KLHL40: variants seen among roughly 807,000 people sequenced by gnomAD.
KLHL40 encodes the protein kelch-like protein 40.
In KLHL40, 44 loss-of-function variants were observed where a neutral mutation model predicts 49.7. The ratio of observed to expected loss-of-function variants is 0.89; its 90% confidence interval spans 0.70 to 1.14. KLHL40 has a LOEUF of 1.14. KLHL40 is among the 50% of genes most tolerant of loss of function. KLHL40 has a pLI of 0.00. For missense variants in KLHL40, 892 were observed against 850.3 expected (o/e 1.05, Z -0.61); for synonymous variants, 409 against 365.2 (o/e 1.12, Z -1.37).
chr3:42,690,781 C>T, intron 4 of KLHL40, 78 bp from the exon 5 acceptor site: 1 of 1,467,502 alleles, frequency 6.8e-7, no homozygotes, highest in Non-Finnish European at 9.2e-7. Flanking sequence ...GCAGTTGGAG[C>T]TGTGGGTGCT....
chr3:42,691,793 T>G (rs911481788), intron 5 of KLHL40, 89 bp from the exon 6 acceptor site: 1 of 808,570 alleles, frequency 1.2e-6, no homozygotes. Flanking sequence ...ATGGGCCAAG[T>G]GCCCTCAGCC....
chr3:42,691,884 A>G lies in KLHL40; in HGVS notation c.1757A>G (p.Tyr586Cys), dbSNP rs1177124063. The change falls in exon 6 of 6, where the codon TAT (tyrosine) becomes TGT (cysteine). Residue 586 changes from tyrosine (Y) to cysteine (C), a missense_variant and splice_region_variant. Physicochemically the swap from Tyr to Cys is radical, Grantham distance 194. Coordinates refer to ENST00000287777, the MANE Select transcript of KLHL40 (RefSeq NM_152393.4). ...VPTELNDIWR[Y>C]NEEEKKWEGV... ...TCCCCACTCTCTCTCATCCCCAGGTATAACGAGGAGGAGAAGAAATGGGAG... is the reference window on the plus strand; with the variant it reads ...TCCCCACTCTCTCTCATCCCCAGGTGTAACGAGGAGGAGAAGAAATGGGAG... The G allele has an allele frequency of 1.2e-5, 19 of 1,595,806 alleles. No individual in the cohort carries two copies. The highest frequency in any genetic ancestry group is 1.4e-5 in the Non-Finnish European group (16 of 1,163,660).
intron 1 of KLHL40, among the ~76,000 whole-genome samples, chr3:42,687,104 T>A (rs1247144768): frequency 6.6e-6 from 1 of 152,202 alleles, no homozygotes; most frequent in Non-Finnish European, 1.5e-5. Context: ...GCAGGGCCTC[T>A]GCGTGAAGGC....
Position 42,692,204 on chromosome 3 carries a change from G to T in KLHL40, c.*211G>T. On this transcript the variant is annotated 3_prime_UTR_variant, in exon 6 of 6. Coordinates refer to ENST00000287777, the MANE Select transcript of KLHL40 (RefSeq NM_152393.4). ...GTGAGAAACTAGAGGCTTCTCCAGTGTTGCCATATCCCCCTAGGTTGTCTT... is the reference window on the plus strand; with the variant it reads ...GTGAGAAACTAGAGGCTTCTCCAGTTTTGCCATATCCCCCTAGGTTGTCTT... The T allele has an allele frequency of 1.8e-6, 1 of 559,082 alleles. No individual in the cohort carries two copies. The allele number at this position is 559,082 out of a possible 1,614,324, so 34.6% of individuals were successfully genotyped here. A position where few individuals can be genotyped will look rare whatever the true frequency, so the allele number is the denominator to read the frequency against.
Position 42,692,374 on chromosome 3 carries a change from A to T in KLHL40, c.*381A>T. On this transcript the variant is annotated 3_prime_UTR_variant, in exon 6 of 6. Coordinates refer to ENST00000287777, the MANE Select transcript of KLHL40 (RefSeq NM_152393.4). Reference sequence around the variant, plus strand: ...AGCATCCCCATCAAGTGCAGTGTACAGTGCAGATATGTCTCCTTCTTTAGG... The same window carrying T: ...AGCATCCCCATCAAGTGCAGTGTACTGTGCAGATATGTCTCCTTCTTTAGG... The T allele has an allele frequency of 2.5e-6, 1 of 402,012 alleles. No individual in the cohort carries two copies. Among genetic ancestry groups the T allele is most frequent in the Non-Finnish European group, 4.6e-6 (1 of 218,262 alleles). 24.9% of individuals were successfully genotyped at this position (402,012 alleles called of 1,614,324 possible).
At position 42,686,657 on chromosome 3, in the gene KLHL40, G is replaced by A. The variant is rs1325916180; in HGVS notation, c.1039G>A (p.Val347Ile). The change falls in exon 1 of 6, where the codon GTC becomes ATC. Residue 347 changes from valine (V) to isoleucine (I), a missense_variant. Transcript: ENST00000287777. The stretch of plus-strand genomic sequence containing the variant: ...CTACTGTGCTTCCCTCTCCAACCAG[G>A]TCCCCAAGAACCACGTCAGCCTGGT... ...ECYCASLSNQ[V>I]PKNHVSLVTK... The A allele has an allele frequency of 6.2e-7, 1 of 1,613,912 alleles. No individual in the cohort carries two copies. Among genetic ancestry groups the A allele is most frequent in the Admixed American group, 1.7e-5 (1 of 60,020 alleles).
In KLHL40 at chr3:42,688,175, C is replaced by A; in HGVS notation, c.1186C>A (p.Pro396Thr). The A allele has an allele frequency of 4.3e-6, 7 of 1,613,664 alleles. No homozygotes were observed. Among genetic ancestry groups the A allele is most frequent in the Non-Finnish European group, 5.9e-6 (7 of 1,179,990 alleles). ...DHLDSEWLGM[P>T]PLPSPRCLFG... is the part of the protein sequence containing the mutation. ...TCTGGACTCAGAGTGGCTGGGGATG[C>A]CACCGCTGCCCTCGCCCCGCTGCCT... Residue 396 changes from proline to threonine, a missense_variant, in exon 2 of 6, where the codon CCA becomes ACA. By Grantham distance (38) the Pro-to-Thr change is conservative. Coordinates refer to ENST00000287777, the MANE Select transcript of KLHL40 (RefSeq NM_152393.4). This position sits in a 1 kb window ranked among gnomAD's most constrained non-coding sequence, Gnocchi z 4.2.
At position 42,691,531 on chromosome 3, in the gene KLHL40, G is replaced by A. The variant is rs186947018; in HGVS notation, c.1755-351G>A. Among the ~76,000 whole-genome samples the A allele has an allele frequency of 2.3e-4, 35 of 152,270 alleles. No individual in the cohort carries two copies. The East Asian group carries it at 6.4e-3, about 28-fold the overall frequency. The stretch of plus-strand genomic sequence containing the variant: ...GCCCCTGGGGAGCAGTGCTGCCGGA[G>A]GCTGAGACGTGAGACTTAGTAGAAA... On this transcript the variant is annotated intron_variant, in intron 5 of 5. Transcript: ENST00000287777.
At position 42,690,955 on chromosome 3, in the gene KLHL40, G is replaced by A. The variant is rs1697354849; in HGVS notation, c.1704G>A (p.Leu568=). ...ATGCCATTGGTGGCTTTGCCACACT[G>A]GAGACGGAGTCTGGAGAGCTGGTTC... ...TLYAIGGFAT[L]ETESGELVPT... Residue 568 remains leucine (L), a synonymous_variant, in exon 5 of 6, where the codon CTG becomes CTA. Coordinates refer to ENST00000287777, the MANE Select transcript of KLHL40 (RefSeq NM_152393.4). 5.6e-6 allele frequency: 9 copies of A among 1,613,718 alleles called. 1 individual carries two copies. Among genetic ancestry groups the A allele is most frequent in the Non-Finnish European group, 6.8e-6 (8 of 1,179,738 alleles).
In KLHL40 at chr3:42,692,268, G is replaced by A. The variant is rs1173301529; in HGVS notation, c.*275G>A. On this transcript the variant is annotated 3_prime_UTR_variant, in exon 6 of 6. Transcript: ENST00000287777. ...GAACCACAGGGCGGTATCCCAGGCC[G>A]TGTGCTGGCCCTGCCCCAGCCTAGC... The A allele has an allele frequency of 7.3e-5, 36 of 490,670 alleles. No homozygotes were observed. Among genetic ancestry groups the A allele is most frequent in the South Asian group, 1.9e-4 (7 of 36,120 alleles). The allele number at this position is 490,670 out of a possible 1,614,324, so 30.4% of individuals were successfully genotyped here.
At chr3:42,689,189 C>T in intron 4 of KLHL40, 135 bp downstream of exon 4, 2 of 784,418 alleles carry the variant, frequency 2.5e-6, no homozygotes, top group Admixed American at 2.8e-5. Flanking sequence ...GGCTTTCTCT[C>T]CTGATCAGCA....
intron 5 of KLHL40, among the ~76,000 whole-genome samples, chr3:42,691,653 C>G (rs1381175152): frequency 2.6e-5 from 4 of 151,954 alleles, no homozygotes; most frequent in Non-Finnish European, 5.9e-5. Flanking sequence ...GGGAACACCC[C>G]TTGAGAGGTG....
chr3:42,686,416 C>G lies in KLHL40; in HGVS notation c.798C>G (p.Thr266=). ...AGGATGCACACGAGGGCCGCATCACCACGCTGCGGAAGAAAAAGAAGGGGA... is the reference window on the plus strand; with the variant it reads ...AGGATGCACACGAGGGCCGCATCACGACGCTGCGGAAGAAAAAGAAGGGGA... ...MVKDAHEGRI[T]TLRKKKKGKD... is the part of the protein sequence containing the mutation. The change falls in exon 1 of 6, where the codon ACC becomes ACG. Residue 266 remains threonine (T), a synonymous_variant. Coordinates refer to ENST00000287777, the MANE Select transcript of KLHL40 (RefSeq NM_152393.4). 1 of 1,613,740 alleles carries G rather than the reference C, an allele frequency of 6.2e-7. No homozygotes were observed. Among genetic ancestry groups the G allele is most frequent in the Non-Finnish European group, 8.5e-7 (1 of 1,179,998 alleles).
chr3:42,687,357 G>C (rs1322843323), intron 1 of KLHL40, among the ~76,000 whole-genome samples: 4 of 152,276 alleles, frequency 2.6e-5, no homozygotes, highest in Admixed American at 1.3e-4. Flanking sequence ...CAGTGTTTCC[G>C]GCCAAGGAAC....
chr3:42,688,995 T>C lies in KLHL40; in HGVS notation c.1548T>C (p.Ala516=). The C allele has an allele frequency of 6.2e-7, 1 of 1,614,150 alleles. No homozygotes were observed. The highest frequency in any genetic ancestry group is 8.5e-7 in the Non-Finnish European group (1 of 1,180,038). ...ATGATGGCCGCATTATCGTGGCAGC[T>C]GGGGTCACCGACACAGGGCTGACCA... ...TVHDGRIIVA[A]GVTDTGLTSS... is the part of the protein sequence containing the mutation. Residue 516 remains alanine, a synonymous_variant, in exon 4 of 6, where the codon GCT becomes GCC. Coordinates refer to ENST00000287777, the MANE Select transcript of KLHL40 (RefSeq NM_152393.4). The surrounding 1 kb of genome is among the most constrained non-coding windows in gnomAD (Gnocchi z 4.2).
Position 42,686,000 on chromosome 3 carries a change from C to T in KLHL40, c.382C>T (p.Leu128=). 6.2e-7 allele frequency: 1 copy of T among 1,611,396 alleles called. No homozygotes were observed. Among genetic ancestry groups the T allele is most frequent in the Non-Finnish European group, 8.5e-7 (1 of 1,179,984 alleles). Residue 128 remains leucine (L), a synonymous_variant, in exon 1 of 6, where the codon CTG becomes TTG. Coordinates refer to ENST00000287777, the MANE Select transcript of KLHL40 (RefSeq NM_152393.4). ...CTGCGTGTCCTTCCTGCAGAAGCGC[C>T]TGTGCCTCTCCAACTGCTTGGCCGT... ...TICVSFLQKR[L]CLSNCLAVFR...
At chr3:42,689,084 C>A (rs1697322967) in intron 4 of KLHL40, 30 bp downstream of exon 4, 1 of 1,583,006 alleles carries the variant, frequency 6.3e-7, no homozygotes, top group Non-Finnish European at 8.6e-7. Flanking sequence ...CCGCCAAGGA[C>A]AACTGCATGG....
chr3:42,689,981 G>C (rs1697335430), intron 4 of KLHL40, among the ~76,000 whole-genome samples: 1 of 152,162 alleles, frequency 6.6e-6, no homozygotes, highest in African/African-American at 2.4e-5. Flanking sequence ...GGGGGTGAGA[G>C]GGGGAGAAGT....
In KLHL40 at chr3:42,688,828, C is replaced by A. The variant is rs771464714; in HGVS notation, c.1422-41C>A. The A allele has an allele frequency of 1.9e-6, 3 of 1,599,064 alleles. No homozygotes were observed. The highest frequency in any genetic ancestry group is 1.1e-5 in the South Asian group (1 of 90,676). On this transcript the variant is annotated intron_variant, in intron 3 of 5. Transcript: ENST00000287777. This position sits in a 1 kb window ranked among gnomAD's most constrained non-coding sequence, Gnocchi z 4.2. ...GTGATTGCAGGGAGGCGTGGCTGGG[C>A]TCCTGCTTCTCTCCACCCATCCCCA...
Sources: allele counts gnomAD v4.1 joint callset (sites outside exome capture counted in the v4.1 genomes callset), GRCh38; gene constraint gnomAD v4.1.1; non-coding constraint Gnocchi (gnomAD v3.1); transcripts MANE v1.5; gene names NCBI Gene and HGNC (gene_info 2026-07-23, HGNC 2026-07-21).